Variants in PRR16 observed in about 807,000 individuals in gnomAD.
PRR16 encodes the protein proline rich 16.
A neutral mutation model predicts 18.2 loss-of-function variants in PRR16; 6 were observed. The ratio of observed to expected loss-of-function variants is 0.33; its 90% CI spans 0.18 to 0.65. PRR16 has a LOEUF of 0.65. Ranked by LOEUF, PRR16 falls within the 30% of genes least tolerant of loss-of-function variation. The probability of loss-of-function intolerance (pLI) is 0.74; values close to 1 mark genes in which losing one functional copy is unlikely to be tolerated. For synonymous variants in PRR16, 151 were observed against 147.8 expected, an observed-to-expected ratio of 1.02 and a Z score of -0.16; for missense variants, 412 against 376.6, an observed-to-expected ratio of 1.09 and a Z score of -0.78.
At chr5:120,683,247 TGA>T (rs1278217536) in intron 1 of PRR16, among the ~76,000 whole-genome samples, 1 of 152,080 alleles carries the variant, frequency 6.6e-6, no homozygotes, top group East Asian at 1.9e-4. Flanking sequence ...TTACTAAAAG[TGA>T]AACTGGGCTG....
chr5:120,648,701 AG>A (rs1755676678), intron 1 of PRR16, among the ~76,000 whole-genome samples: 2 of 152,126 alleles, frequency 1.3e-5, no homozygotes, highest in South Asian at 4.1e-4. Flanking sequence ...AATTGATGGG[AG>A]GGTTAAATAC....
At chr5:120,499,316 G>A (rs991882074) in intron 1 of PRR16, among the ~76,000 whole-genome samples, 12 of 151,684 alleles carry the variant, frequency 7.9e-5, no homozygotes, top group African/African-American at 2.9e-4. Context: ...TCTCCACATT[G>A]GTCAGGCTGG....
chr5:120,588,745 T>G (rs2112769486), intron 1 of PRR16, among the ~76,000 whole-genome samples: 1 of 151,462 alleles, frequency 6.6e-6, no homozygotes. Flanking sequence ...TTTAGCTTTT[T>G]ATTGTGACCT....
At chr5:120,641,875 C>G (rs1755435212) in intron 1 of PRR16, among the ~76,000 whole-genome samples, 1 of 152,066 alleles carries the variant, frequency 6.6e-6, no homozygotes, top group Non-Finnish European at 1.5e-5. Context: ...CTTAGGACTT[C>G]AAATCCAGTA....
chr5:120,479,541 T>C (rs1264152993), intron 1 of PRR16, among the ~76,000 whole-genome samples: 1 of 152,154 alleles, frequency 6.6e-6, no homozygotes, highest in African/African-American at 2.4e-5. Flanking sequence ...TATATTAAAA[T>C]GTTATTTAAA....
chr5:120,744,267 CAAGACTGTAGT>C, the PRR16 span, among the ~76,000 whole-genome samples: 1 of 152,122 alleles, frequency 6.6e-6, no homozygotes, highest in East Asian at 1.9e-4. Context: ...GAACTTCAAA[CAAGACTGTAGT>C]AAGGCATGGG....
intron 1 of PRR16, among the ~76,000 whole-genome samples, chr5:120,482,771 T>C (rs945413965): frequency 4.6e-5 from 7 of 152,202 alleles, no homozygotes; most frequent in African/African-American, 1.2e-4. Context: ...ATGCCTTTTA[T>C]GTTATTTTAC....
chr5:120,480,956 A>G lies in PRR16; in HGVS notation c.159+16311A>G, dbSNP rs80222002. Among the ~76,000 whole-genome samples the G allele has an allele frequency of 3.3e-4, 50 of 152,296 alleles. No individual in the cohort carries two copies. In the East Asian group the frequency reaches 9.5e-3, roughly 29 times the overall value. On this transcript the variant is annotated intron_variant, in intron 1 of 1. Coordinates refer to ENST00000407149, the MANE Select transcript of PRR16 (RefSeq NM_001300783.2). ...TTTTCACTCTGTGCTAACAGTAAATAGATGAGGTCCGATTCACTTCATGTC... is the reference window on the plus strand; with the variant it reads ...TTTTCACTCTGTGCTAACAGTAAATGGATGAGGTCCGATTCACTTCATGTC...
At chr5:120,737,213 C>G in the PRR16 span, among the ~76,000 whole-genome samples, 1 of 150,672 alleles carries the variant, frequency 6.6e-6, no homozygotes, top group African/African-American at 2.4e-5. Context: ...GAGAAACTTT[C>G]AGTCTTTCGC....
chr5:120,615,334 C>A (rs1754470469), intron 1 of PRR16, among the ~76,000 whole-genome samples: 1 of 149,108 alleles, frequency 6.7e-6, no homozygotes, highest in African/African-American at 2.5e-5. Context: ...TCTATATTCT[C>A]TTCTATAGGC....
chr5:120,515,701 A>G (rs1435570710), intron 1 of PRR16, among the ~76,000 whole-genome samples: 1 of 152,190 alleles, frequency 6.6e-6, no homozygotes, highest in Non-Finnish European at 1.5e-5. Flanking sequence ...ATGTATGTGG[A>G]TATTTATTCA....
At chr5:120,510,329 G>A (rs190754886) in intron 1 of PRR16, among the ~76,000 whole-genome samples, 35 of 152,246 alleles carry the variant, frequency 2.3e-4, no homozygotes, top group African/African-American at 7.9e-4. Context: ...TTACATAGGA[G>A]CTTGTTAATG....
intron 1 of PRR16, among the ~76,000 whole-genome samples, chr5:120,519,166 G>A (rs1208349763): frequency 6.6e-6 from 1 of 151,930 alleles, no homozygotes; most frequent in African/African-American, 2.4e-5. Flanking sequence ...TAGACCCTAG[G>A]ACATGAAAGA....
chr5:120,761,032 A>G, the PRR16 span, among the ~76,000 whole-genome samples: 1 of 152,054 alleles, frequency 6.6e-6, no homozygotes, highest in East Asian at 1.9e-4. Flanking sequence ...AATTAATGAT[A>G]ATTTCTTAAT....
At position 120,553,784 on chromosome 5, in the gene PRR16, C is replaced by T. The variant is rs547563277; in HGVS notation, c.159+89139C>T. 3.7e-4 allele frequency among the ~76,000 whole-genome samples: 56 copies of T among 151,920 alleles called. No homozygotes were observed. The South Asian group carries it at 0.01, about 28-fold the overall frequency. On this transcript the variant is annotated intron_variant, in intron 1 of 1. Coordinates refer to ENST00000407149, the MANE Select transcript of PRR16 (RefSeq NM_001300783.2). ...ATCATGCTTGAAATAATAACCTCAA[C>T]GACATTACAACTTGGTATATTATTA...
chr5:120,501,261 G>T (rs1750442911), intron 1 of PRR16, among the ~76,000 whole-genome samples: 1 of 152,072 alleles, frequency 6.6e-6, no homozygotes, highest in Non-Finnish European at 1.5e-5. Context: ...ATTAATTGGA[G>T]AATTCTACCA....
At chr5:120,643,465 G>C (rs1755489227) in intron 1 of PRR16, among the ~76,000 whole-genome samples, 1 of 152,102 alleles carries the variant, frequency 6.6e-6, no homozygotes, top group Admixed American at 6.6e-5. Flanking sequence ...ATGAGAACAT[G>C]ATTTTTAAAA....
the PRR16 span, among the ~76,000 whole-genome samples, chr5:120,731,765 C>T: frequency 2.6e-5 from 4 of 152,178 alleles, no homozygotes; most frequent in Non-Finnish European, 5.9e-5. Context: ...GTGCCTTATA[C>T]ATTAAATAGG....
intron 1 of PRR16, among the ~76,000 whole-genome samples, chr5:120,677,078 T>C (rs755696259): frequency 3.3e-5 from 5 of 152,170 alleles, no homozygotes; most frequent in Non-Finnish European, 7.4e-5. Flanking sequence ...TTCACACATA[T>C]CAATTCATAT....
Sources: allele counts gnomAD v4.1 joint callset (sites outside exome capture counted in the v4.1 genomes callset), GRCh38; gene constraint gnomAD v4.1.1; transcripts MANE v1.5; gene names NCBI Gene and HGNC (gene_info 2026-07-23, HGNC 2026-07-21).